The following TMEM30A variants were observed in gnomAD, a reference collection of about 807,000 sequenced individuals.
The protein encoded by TMEM30A is cell cycle control protein 50A.
Under a neutral mutation model 38.2 loss-of-function variants are expected in TMEM30A, and 24 were observed. That is an observed-to-expected ratio of 0.63 (90% CI 0.46 to 0.88). The LOEUF is 0.88. Ranked by LOEUF, TMEM30A falls within the 40% of genes least tolerant of loss-of-function variation. TMEM30A has a pLI of 0.00. For missense variants in TMEM30A, 370 were observed against 458.6 expected (o/e 0.81, Z 1.77); for synonymous variants, 145 against 161.6 (o/e 0.90, Z 0.78).
chr6:75,280,514 G>C lies in TMEM30A; in HGVS notation c.237+3888C>G, dbSNP rs189551053. ...AATATAGGTCTACTAATACTAATGA[G>C]AAGAATGGAAATTTTGGAGGAGACA... On this transcript the variant is annotated intron_variant, in intron 1 of 6. Transcript: ENST00000230461. 2.2e-4 allele frequency among the ~76,000 whole-genome samples: 34 copies of C among 152,220 alleles called. 1 individual carries two copies. Among genetic ancestry groups the C allele is most frequent in the Admixed American group, 1.6e-3 (25 of 15,292 alleles).
chr6:75,260,812 T>A lies in TMEM30A; in HGVS notation c.541+12A>T. 6.6e-7 allele frequency: 1 copy of A among 1,525,688 alleles called. No individual in the cohort carries two copies. Among genetic ancestry groups the A allele is most frequent in the Non-Finnish European group, 8.8e-7 (1 of 1,130,312 alleles). The allele number at this position is 1,525,688 out of a possible 1,614,324, so 94.5% of individuals were successfully genotyped here. A position where few individuals can be genotyped will look rare whatever the true frequency, so the allele number is the denominator to read the frequency against. On this transcript the variant is annotated intron_variant, in intron 4 of 6. Coordinates refer to ENST00000230461, the MANE Select transcript of TMEM30A (RefSeq NM_018247.4). ...CTAATTATATATGTCTATATTTGTA[T>A]CTATATCATACCATTAAACATGCTG... is the stretch of plus-strand genomic sequence containing the variant.
intron 2 of TMEM30A, 79 bp from the exon 3 acceptor site, chr6:75,265,417 C>G: frequency 1.3e-6 from 1 of 744,596 alleles, no homozygotes; most frequent in Non-Finnish European, 2.0e-6. Flanking sequence ...ATAAAAGCTA[C>G]GTAATTTGGA....
At position 75,258,863 on chromosome 6, in the gene TMEM30A, C is replaced by T. The variant is rs1458695623; in HGVS notation, c.809G>A (p.Arg270His). ...WMRTAALPTFRKLYRLIERKS... is the reference protein window; with the variant it reads ...WMRTAALPTFHKLYRLIERKS... ...CCTTTCTATAAGACGATACAACTTG[C>T]GAAAAGTAGGTAATGCTGCAGTACG... The change falls in exon 6 of 7, where the codon CGC (arginine) becomes CAC (histidine). Residue 270 changes from arginine (R) to histidine (H), a missense_variant. Physicochemically the swap from Arg to His is conservative, Grantham distance 29 (BLOSUM62 0). Transcript: ENST00000230461. 6 of 1,613,716 alleles carry T rather than the reference C, an allele frequency of 3.7e-6. No individual in the cohort carries two copies. Among genetic ancestry groups the T allele is most frequent in the African/African-American group, 1.3e-5 (1 of 74,872 alleles).
At chr6:75,266,995 TGTATTAACGCA>T (rs1274973420) in intron 2 of TMEM30A, among the ~76,000 whole-genome samples, 10 of 152,194 alleles carry the variant, frequency 6.6e-5, no homozygotes, top group Non-Finnish European at 1.3e-4. Context: ...AAAGTTGGCA[TGTATTAACGCA>T]GTTTTGCTCC....
chr6:75,265,082 G>T, intron 3 of TMEM30A, 149 bp downstream of exon 3: 1 of 475,280 alleles, frequency 2.1e-6, no homozygotes, highest in Admixed American at 3.8e-5. Context: ...GGGCGACAAA[G>T]TGAGACTCCA....
chr6:75,272,141 T>C (rs577321492), intron 1 of TMEM30A, among the ~76,000 whole-genome samples: 4 of 152,352 alleles, frequency 2.6e-5, no homozygotes, highest in Admixed American at 6.5e-5. Flanking sequence ...CTACTGTTTA[T>C]TGAATGTATA....
At chr6:75,260,012 C>T (rs1041856075) in intron 4 of TMEM30A, among the ~76,000 whole-genome samples, 17 of 151,932 alleles carry the variant, frequency 1.1e-4, no homozygotes, top group African/African-American at 3.9e-4. Flanking sequence ...TATTATATGC[C>T]GAAATAACAG....
chr6:75,276,700 A>G (rs1479902071), intron 1 of TMEM30A, among the ~76,000 whole-genome samples: 2 of 152,242 alleles, frequency 1.3e-5, no homozygotes, highest in South Asian at 2.1e-4. Context: ...CTTTTTAAAC[A>G]TAAGTGAAAT....
chr6:75,277,138 T>A (rs1772275342), intron 1 of TMEM30A, among the ~76,000 whole-genome samples: 1 of 152,134 alleles, frequency 6.6e-6, no homozygotes, highest in Non-Finnish European at 1.5e-5. Flanking sequence ...TAAAGGGAGA[T>A]GGGAATGGAC....
chr6:75,277,305 CAAAAAAAAA>C (rs60419282), intron 1 of TMEM30A, among the ~76,000 whole-genome samples: 158 of 91,676 alleles, frequency 1.7e-3, no homozygotes, highest in African/African-American at 4.7e-3. Flanking sequence ...TGTCCTCATC[CAAAAAAAAA>C]AAAAAAAAAA....
chr6:75,271,943 A>G (rs1772179658), intron 1 of TMEM30A, among the ~76,000 whole-genome samples: 1 of 152,212 alleles, frequency 6.6e-6, no homozygotes, highest in African/African-American at 2.4e-5. Flanking sequence ...AGATTTGAAC[A>G]GAGCCATAAA....
intron 2 of TMEM30A, among the ~76,000 whole-genome samples, chr6:75,266,463 A>C (rs1380277641): frequency 1.3e-5 from 2 of 152,252 alleles, no homozygotes; most frequent in East Asian, 3.8e-4. Flanking sequence ...CAATTTGTAA[A>C]CTGAAAAAGA....
At chr6:75,273,151 A>G (rs772691687) in intron 1 of TMEM30A, among the ~76,000 whole-genome samples, 22 of 152,234 alleles carry the variant, frequency 1.4e-4, no homozygotes, top group Non-Finnish European at 2.8e-4. Flanking sequence ...CTCCTTTAAT[A>G]CTTTCTTTCC....
chr6:75,274,886 C>T (rs1429061380), intron 1 of TMEM30A, among the ~76,000 whole-genome samples: 2 of 152,142 alleles, frequency 1.3e-5, no homozygotes, highest in African/African-American at 4.8e-5. Context: ...TGGCGGGCGC[C>T]TGTAGTCCCA....
chr6:75,268,295 C>T (rs184544872), intron 1 of TMEM30A, among the ~76,000 whole-genome samples: 4 of 152,316 alleles, frequency 2.6e-5, no homozygotes, highest in Admixed American at 6.5e-5. Flanking sequence ...TATTCATAAG[C>T]CCCTTGATTC....
intron 6 of TMEM30A, among the ~76,000 whole-genome samples, 185 bp downstream of exon 6, chr6:75,258,595 C>T (rs996264329): frequency 2.6e-5 from 4 of 152,050 alleles, no homozygotes; most frequent in Non-Finnish European, 4.4e-5. Flanking sequence ...CAAGTATATG[C>T]GAATTCAAAA....
At chr6:75,263,839 T>C (rs188140113) in intron 3 of TMEM30A, among the ~76,000 whole-genome samples, 55 of 152,334 alleles carry the variant, frequency 3.6e-4, no homozygotes, top group African/African-American at 1.3e-3. Context: ...AATCTTTGCT[T>C]ACAGTTTGGA....
In TMEM30A at chr6:75,276,407, G is replaced by C. The variant is rs79251178; in HGVS notation, c.237+7995C>G. Among the ~76,000 whole-genome samples the C allele has an allele frequency of 1.1e-3, 164 of 152,342 alleles. 4 individuals are homozygous for C. The East Asian group carries it at 0.028, about 26-fold the overall frequency. On this transcript the variant is annotated intron_variant, in intron 1 of 6. Transcript: ENST00000230461. Reference sequence around the variant, plus strand: ...CTTACAATTGGCATCTAAAGTGAGAGGCAGTCTTGTGGGACTGAGCCCCTA... The same window carrying C: ...CTTACAATTGGCATCTAAAGTGAGACGCAGTCTTGTGGGACTGAGCCCCTA...
rs564571564 is a variant in TMEM30A at position 75,273,448 on chromosome 6, C to T, written c.238-5700G>A. Among the ~76,000 whole-genome samples the T allele has an allele frequency of 3.4e-5, 5 of 147,580 alleles. No individual in the cohort carries two copies. The South Asian group carries it at 6.4e-4, about 19-fold the overall frequency. ...ACCTCCTGGAGTTCAGTATCTAACA[C>T]AGAAAACAACATTAAAATAGAATGG... On this transcript the variant is annotated intron_variant, in intron 1 of 6. Coordinates refer to ENST00000230461, the MANE Select transcript of TMEM30A (RefSeq NM_018247.4).
Sources: allele counts gnomAD v4.1 joint callset (sites outside exome capture counted in the v4.1 genomes callset), GRCh38; gene constraint gnomAD v4.1.1; transcripts MANE v1.5; gene names NCBI Gene and HGNC (gene_info 2026-07-23, HGNC 2026-07-21).